Variants in TBL1XR1 observed in about 807,000 individuals in gnomAD.
TBL1XR1 encodes F-box-like/WD repeat-containing protein TBL1XR1.
A neutral mutation model predicts 66.9 loss-of-function variants in TBL1XR1; 5 were observed. The ratio of observed to expected loss-of-function variants is 0.07; its 90% CI spans 0.04 to 0.16. The LOEUF is 0.16. TBL1XR1 is among the 10% of genes least tolerant of loss of function. The pLI is 1.00. For synonymous variants in TBL1XR1, 210 were observed against 206.0 expected (o/e 1.02, Z -0.17); for missense variants, 238 against 623.2 (o/e 0.38, Z 6.58).
intron 2 of TBL1XR1, among the ~76,000 whole-genome samples, chr3:177,088,320 T>C (rs775790761): frequency 6.6e-6 from 1 of 152,198 alleles, no homozygotes; most frequent in Non-Finnish European, 1.5e-5. Context: ...GTCAAAACTC[T>C]GGTTCATGCA....
chr3:177,142,058 GAGA>G (rs1267690404), intron 1 of TBL1XR1, among the ~76,000 whole-genome samples: 4 of 152,210 alleles, frequency 2.6e-5, no homozygotes, highest in South Asian at 2.1e-4. Context: ...CGAGAGGAAT[GAGA>G]AGAAGTTGCT....
intron 2 of TBL1XR1, among the ~76,000 whole-genome samples, chr3:177,074,719 G>A (rs545658998): frequency 3.9e-5 from 6 of 152,290 alleles, no homozygotes; most frequent in African/African-American, 1.4e-4. Flanking sequence ...TTAAAGCCAG[G>A]TAGGTGACAG....
chr3:177,190,767 G>A (rs2109006430), intron 1 of TBL1XR1, among the ~76,000 whole-genome samples: 1 of 152,308 alleles, frequency 6.6e-6, no homozygotes, highest in Non-Finnish European at 1.5e-5. Flanking sequence ...CCACATTACA[G>A]TGGAACAGGG....
At chr3:177,117,493 T>C (rs1210615762) in intron 1 of TBL1XR1, among the ~76,000 whole-genome samples, 1 of 152,158 alleles carries the variant, frequency 6.6e-6, no homozygotes, top group South Asian at 2.1e-4. Flanking sequence ...AGATATGACA[T>C]CAAAATAATG....
intron 2 of TBL1XR1, among the ~76,000 whole-genome samples, chr3:177,083,890 T>C (rs1577112822): frequency 6.6e-6 from 1 of 151,548 alleles, no homozygotes; most frequent in Admixed American, 6.6e-5. Flanking sequence ...GAGTTCGAGA[T>C]CAGCCTGGCC....
chr3:177,120,912 T>A (rs1230718796), intron 1 of TBL1XR1: 1 of 152,226 alleles, frequency 6.6e-6, no homozygotes, highest in Non-Finnish European at 1.5e-5. Context: ...TCATATTTTA[T>A]ACATGGCCCT....
At chr3:177,077,258 TATA>T (rs1366208986) in intron 2 of TBL1XR1, among the ~76,000 whole-genome samples, 2 of 152,208 alleles carry the variant, frequency 1.3e-5, no homozygotes, top group African/African-American at 4.8e-5. Flanking sequence ...TTGGTAGTCT[TATA>T]ATAATAGTTT....
chr3:177,065,078 T>C (rs1231698650), intron 2 of TBL1XR1, 56 bp from the exon 3 acceptor site: 2 of 1,132,224 alleles, frequency 1.8e-6, no homozygotes, highest in Admixed American at 4.0e-5. Flanking sequence ...AAACAAGATG[T>C]AAACAATGTT....
At chr3:177,097,783 C>G (rs530662311) in intron 2 of TBL1XR1, among the ~76,000 whole-genome samples, 1 of 152,208 alleles carries the variant, frequency 6.6e-6, no homozygotes, top group Admixed American at 6.5e-5. Context: ...CAAAATGCCA[C>G]TGTTGCATTT....
intron 12 of TBL1XR1, among the ~76,000 whole-genome samples, chr3:177,036,558 C>T (rs1318283977): frequency 1.3e-5 from 2 of 152,230 alleles, no homozygotes; most frequent in African/African-American, 4.8e-5. Flanking sequence ...CACTGCCCTT[C>T]TGTCATTTCC....
intron 1 of TBL1XR1, among the ~76,000 whole-genome samples, chr3:177,184,540 G>A (rs1022298604): frequency 2.0e-5 from 3 of 152,194 alleles, no homozygotes; most frequent in Admixed American, 6.5e-5. Context: ...GGTGGCTCAC[G>A]CCTGTAATCT....
chr3:177,112,086 TATATATATATATA>T (rs1725651782), intron 1 of TBL1XR1, among the ~76,000 whole-genome samples: 1 of 42,638 alleles, frequency 2.3e-5, no homozygotes, highest in Non-Finnish European at 4.2e-5. Context: ...TATATATATA[TATATATATATATA>T]TATATATATT....
At chr3:177,072,377 C>T (rs900056891) in intron 2 of TBL1XR1, among the ~76,000 whole-genome samples, 2 of 151,316 alleles carry the variant, frequency 1.3e-5, no homozygotes, top group Non-Finnish European at 1.5e-5. Flanking sequence ...TGTTACAAAG[C>T]GATAGTGGGT....
At chr3:177,165,619 A>T (rs1316822492) in intron 1 of TBL1XR1, among the ~76,000 whole-genome samples, 1 of 152,240 alleles carries the variant, frequency 6.6e-6, no homozygotes, top group Admixed American at 6.5e-5. Context: ...GAACAAATAG[A>T]TCAGTGGAAC....
chr3:177,072,464 T>C (rs1193845282), intron 2 of TBL1XR1, among the ~76,000 whole-genome samples: 3 of 135,298 alleles, frequency 2.2e-5, no homozygotes, highest in Non-Finnish European at 4.7e-5. Context: ...TTCACCACTA[T>C]GCACTCAAAA....
intron 1 of TBL1XR1, among the ~76,000 whole-genome samples, chr3:177,101,755 G>A (rs892355125): frequency 6.6e-6 from 1 of 152,130 alleles, no homozygotes; most frequent in African/African-American, 2.4e-5. Flanking sequence ...AACAGAAAAT[G>A]GACTAAGACA....
intron 12 of TBL1XR1, among the ~76,000 whole-genome samples, chr3:177,036,727 CA>C (rs1251165981): frequency 1.3e-5 from 2 of 152,180 alleles, no homozygotes; most frequent in African/African-American, 2.4e-5. Context: ...TGTCTAAAAA[CA>C]TAGCAGATAC....
intron 5 of TBL1XR1, 133 bp downstream of exon 5, chr3:177,051,371 A>C: frequency 1.4e-6 from 1 of 739,448 alleles, no homozygotes. Flanking sequence ...GGGTGATGAA[A>C]TAGTCTGTAC....
At chr3:177,034,915 T>C (rs959992118) in intron 12 of TBL1XR1, among the ~76,000 whole-genome samples, 5 of 151,050 alleles carry the variant, frequency 3.3e-5, no homozygotes, top group Non-Finnish European at 7.4e-5. Context: ...CAAAAATTCA[T>C]AGAAATCAAC....
Sources: allele counts gnomAD v4.1 joint callset (sites outside exome capture counted in the v4.1 genomes callset), GRCh38; gene constraint gnomAD v4.1.1; transcripts MANE v1.5; gene names NCBI Gene and HGNC (gene_info 2026-07-23, HGNC 2026-07-21).